The following SRRM1 variants were observed in gnomAD, a reference collection of about 807,000 sequenced individuals.
The protein encoded by SRRM1 is serine/arginine repetitive matrix protein 1.
A neutral mutation model predicts 110.2 loss-of-function variants in SRRM1; 19 were observed. The ratio of observed to expected loss-of-function variants is 0.17; its 90% CI spans 0.12 to 0.25. The LOEUF (loss-of-function observed/expected upper bound fraction) is 0.25. Among genes scored for constraint, SRRM1 ranks in the 10% least tolerant of loss-of-function variants. The pLI is 1.00. For synonymous variants in SRRM1, 443 were observed against 414.9 expected (o/e 1.07, Z -0.82); for missense variants, 918 against 1,145.8 (o/e 0.80, Z 2.87).
intron 1 of SRRM1, among the ~76,000 whole-genome samples, chr1:24,644,645 CAGTA>C (rs983330201): frequency 2.6e-5 from 4 of 152,148 alleles, no homozygotes; most frequent in African/African-American, 9.7e-5. Context: ...CTTAGGCAAA[CAGTA>C]AGATACTTAT....
chr1:24,662,410 C>T (rs938961022), intron 11 of SRRM1, among the ~76,000 whole-genome samples: 8 of 152,214 alleles, frequency 5.3e-5, no homozygotes, highest in African/African-American at 1.7e-4. Flanking sequence ...CCACCGTGCC[C>T]AGCTCAAACT....
Position 24,644,247 on chromosome 1 carries a change from G to A in SRRM1, c.21+900G>A, listed in dbSNP as rs74060405. On this transcript the variant is annotated intron_variant, in intron 1 of 16. Coordinates refer to ENST00000323848, the MANE Select transcript of SRRM1 (RefSeq NM_005839.4). ...TTATCAGGCTCGTGCTGGAGCCTGT[G>A]TGTCCCATAGTCCCCTCCTGTAGGA... Among the ~76,000 whole-genome samples the A allele has an allele frequency of 6.4e-3, 976 of 152,246 alleles. 11 individuals carry two copies. Among genetic ancestry groups the A allele is most frequent in the African/African-American group, 0.022 (905 of 41,534 alleles).
Position 24,667,560 on chromosome 1 carries a change from G to A in SRRM1, c.1739+635G>A, listed in dbSNP as rs537012346. 1.4e-3 allele frequency among the ~76,000 whole-genome samples: 212 copies of A among 152,244 alleles called. 2 individuals carry two copies. The highest frequency in any genetic ancestry group is 2.5e-3 in the Non-Finnish European group (170 of 68,016). On this transcript the variant is annotated intron_variant, in intron 13 of 16. Transcript: ENST00000323848. The stretch of plus-strand genomic sequence containing the variant: ...CAGTCTTATTATTAGGAAATAATCA[G>A]ACAAACCCAAATTGAAAGTCATTTT...
In SRRM1 at chr1:24,664,786, C is replaced by T. The variant is rs564258612; in HGVS notation, c.1628+1982C>T. ...ATTCCTTTCCCAGCTATAATTATCT[C>T]TGGCTTTTGTGAAGTTGCTAGCACA... On this transcript the variant is annotated intron_variant, in intron 12 of 16. Coordinates refer to ENST00000323848, the MANE Select transcript of SRRM1 (RefSeq NM_005839.4). 2.6e-5 allele frequency among the ~76,000 whole-genome samples: 4 copies of T among 152,272 alleles called. No individual in the cohort carries two copies. The South Asian group carries it at 6.2e-4, about 24-fold the overall frequency.
intron 9 of SRRM1, among the ~76,000 whole-genome samples, chr1:24,657,513 A>C (rs1664804765): frequency 6.6e-6 from 1 of 152,184 alleles, no homozygotes; most frequent in South Asian, 2.1e-4. Flanking sequence ...GCTGCTTAGA[A>C]CAGTAACATC....
intron 2 of SRRM1, among the ~76,000 whole-genome samples, chr1:24,646,364 A>G (rs1345506534): frequency 1.3e-5 from 2 of 152,078 alleles, no homozygotes; most frequent in Non-Finnish European, 2.9e-5. Context: ...TGTCTCTACT[A>G]AAAATACAAA....
intron 1 of SRRM1, chr1:24,643,690 G>A (rs1256954633): frequency 2.9e-6 from 1 of 339,092 alleles, no homozygotes; most frequent in Non-Finnish European, 5.3e-6. Context: ...TAGCGGAGCC[G>A]GAGGAGGAAG....
intron 1 of SRRM1, 121 bp downstream of exon 1, chr1:24,643,468 C>T (rs1018150016): frequency 1.2e-6 from 1 of 809,066 alleles, no homozygotes; most frequent in Non-Finnish European, 1.7e-6. Context: ...AAGGATTCCT[C>T]CTAGAGCCGG....
intron 1 of SRRM1, 41 bp from the exon 2 acceptor site, chr1:24,645,941 TTA>T (rs751899096): frequency 6.5e-7 from 1 of 1,549,504 alleles, no homozygotes; most frequent in Non-Finnish European, 8.9e-7. Context: ...AAGTAAGGAT[TTA>T]ACTTTGAACC....
At chr1:24,670,050 AGTTG>A in intron 14 of SRRM1, 66 bp from the exon 15 acceptor site, 1 of 1,321,306 alleles carries the variant, frequency 7.6e-7, no homozygotes, top group East Asian at 2.4e-5. Context: ...TGTACAGTGT[AGTTG>A]GTGGTTTTCT....
chr1:24,665,674 G>C (rs547777492), intron 12 of SRRM1, among the ~76,000 whole-genome samples: 2 of 151,294 alleles, frequency 1.3e-5, no homozygotes, highest in East Asian at 2.0e-4. Flanking sequence ...GATCGTGCCA[G>C]TGCACTCCAG....
Position 24,652,916 on chromosome 1 carries a change from G to A in SRRM1, c.924G>A (p.Ser308=), listed in dbSNP as rs759871948. 14 of 1,613,368 alleles carry A rather than the reference G, an allele frequency of 8.7e-6. No individual in the cohort carries two copies. The highest frequency in any genetic ancestry group is 6.7e-5 in the East Asian group (3 of 44,856). The part of the protein sequence containing the change: ...PRRRHRSRSR[S]YSPRRRPSPR... ...CTAATTCTCTTTGTTATGGCAGATCGTATTCACCTAGAAGGCGGCCAAGCC... is the reference window on the plus strand; with the variant it reads ...CTAATTCTCTTTGTTATGGCAGATCATATTCACCTAGAAGGCGGCCAAGCC... The change falls in exon 8 of 17, where the codon TCG becomes TCA. Residue 308 remains serine, a synonymous_variant. Transcript: ENST00000323848.
chr1:24,652,663 G>C (rs1478459527), intron 7 of SRRM1, 35 bp downstream of exon 7: 1 of 1,540,042 alleles, frequency 6.5e-7, no homozygotes, highest in East Asian at 2.3e-5. Flanking sequence ...AAAGATCTTA[G>C]GTTTTATATA....
intron 5 of SRRM1, 137 bp from the exon 6 acceptor site, chr1:24,651,272 G>A: frequency 1.5e-6 from 1 of 679,232 alleles, no homozygotes; most frequent in Admixed American, 2.9e-5. Flanking sequence ...GATTAGGTTA[G>A]CATGTCTTAT....
At chr1:24,664,333 C>T (rs1181678794) in intron 12 of SRRM1, among the ~76,000 whole-genome samples, 7 of 152,202 alleles carry the variant, frequency 4.6e-5, no homozygotes, top group Non-Finnish European at 8.8e-5. Flanking sequence ...ATTAGTGTCA[C>T]TGTGACCATA....
rs145044311 is a variant in SRRM1 at position 24,648,734 on chromosome 1, A to G, written c.235-125A>G. On this transcript the variant is annotated intron_variant, in intron 3 of 16. Transcript: ENST00000323848. ...CTATTTGTAAAATAGTAAGGACTAT[A>G]TATATGTCTAAGCCCCTATGGTAGA... The G allele has an allele frequency of 5.9e-4, 438 of 740,716 alleles. 5 individuals carry two copies. In the South Asian group the frequency reaches 7.6e-3, roughly 13 times the overall value. The allele number at this position is 740,716 out of a possible 1,614,324, so 45.9% of individuals were successfully genotyped here. A position where few individuals can be genotyped will look rare whatever the true frequency, so the allele number is the denominator to read the frequency against.
chr1:24,645,386 A>T (rs1176327391), intron 1 of SRRM1, among the ~76,000 whole-genome samples: 1 of 152,186 alleles, frequency 6.6e-6, no homozygotes, highest in Non-Finnish European at 1.5e-5. Flanking sequence ...TGAAAAGAAT[A>T]ATTAGTGATC....
intron 1 of SRRM1, 33 bp downstream of exon 1, chr1:24,643,380 C>T: frequency 6.5e-7 from 1 of 1,537,384 alleles, no homozygotes; most frequent in South Asian, 1.2e-5. Context: ...GGGGTGAGGC[C>T]AGGGACTTCT....
chr1:24,653,771 G>C (rs546624429), intron 8 of SRRM1, among the ~76,000 whole-genome samples: 1 of 152,270 alleles, frequency 6.6e-6, no homozygotes, highest in East Asian at 1.9e-4. Context: ...GTGCCTTCTT[G>C]CAATACGTTT....
Sources: gnomAD v4.1 joint callset for allele counts (sites outside exome capture counted in the v4.1 genomes callset) on GRCh38, gnomAD v4.1.1 for gene constraint, MANE v1.5 for transcripts, NCBI Gene and HGNC (gene_info 2026-07-23, HGNC 2026-07-21) for gene names.